LIN7A: variants seen among roughly 807,000 people sequenced by gnomAD.
The protein encoded by LIN7A is lin-7 cell polarity scaffold A, also known as protein lin-7 homolog A.
In LIN7A, 25 loss-of-function variants were observed where a neutral mutation model predicts 29.8. That is an observed-to-expected ratio of 0.84 (90% CI 0.61 to 1.17). The LOEUF (loss-of-function observed/expected upper bound fraction) is 1.17. LIN7A is among the 50% of genes most tolerant of loss of function. The pLI is 0.00. For synonymous variants in LIN7A, 118 were observed against 107.5 expected (o/e 1.10, Z -0.60); for missense variants, 239 against 287.0 (o/e 0.83, Z 1.21).
chr12:80,886,783 G>A (rs1875352340), intron 2 of LIN7A, among the ~76,000 whole-genome samples: 1 of 152,026 alleles, frequency 6.6e-6, no homozygotes, highest in African/African-American at 2.4e-5. Flanking sequence ...CTTTACCATA[G>A]GAAGAGTTTG....
intron 2 of LIN7A, 22 bp downstream of exon 2, chr12:80,889,229 T>C: frequency 1.6e-6 from 2 of 1,251,234 alleles, no homozygotes; most frequent in Non-Finnish European, 2.4e-6. Flanking sequence ...TGAATTTAGT[T>C]ATTAAAATTT....
At chr12:80,937,608 C>A (rs747727212) in intron 1 of LIN7A, 33 bp downstream of exon 1, 2 of 1,410,330 alleles carry the variant, frequency 1.4e-6, no homozygotes, top group South Asian at 1.4e-5. Context: ...GGAGAGGGGA[C>A]GCGGTGGCCT....
chr12:80,846,024 G>A (rs984162906), intron 3 of LIN7A, 85 bp from the exon 4 acceptor site: 2 of 1,152,662 alleles, frequency 1.7e-6, no homozygotes, highest in African/African-American at 3.2e-5. Flanking sequence ...GGGTAGCTCA[G>A]GCAACTTCTC....
At chr12:80,917,399 G>T (rs920555282) in intron 1 of LIN7A, among the ~76,000 whole-genome samples, 4 of 152,118 alleles carry the variant, frequency 2.6e-5, no homozygotes, top group African/African-American at 7.2e-5. Flanking sequence ...ACATAAACTG[G>T]CTGTTTTAAT....
chr12:80,866,528 T>C (rs1003496330), intron 2 of LIN7A, among the ~76,000 whole-genome samples: 2 of 152,220 alleles, frequency 1.3e-5, no homozygotes, highest in African/African-American at 4.8e-5. Flanking sequence ...TCAAAATTGC[T>C]CAAACCATAT....
intron 2 of LIN7A, among the ~76,000 whole-genome samples, chr12:80,861,858 G>A (rs930569442): frequency 3.3e-5 from 5 of 152,214 alleles, no homozygotes; most frequent in African/African-American, 1.2e-4. Context: ...AGCTCTGTGA[G>A]GCAGGTTTTT....
At chr12:80,823,360 T>G (rs970232539) in intron 4 of LIN7A, among the ~76,000 whole-genome samples, 1 of 152,188 alleles carries the variant, frequency 6.6e-6, no homozygotes, top group Non-Finnish European at 1.5e-5. Context: ...TTGCAGTTCC[T>G]GGCTACTCCA....
chr12:80,838,967 A>G (rs1872695517), intron 4 of LIN7A, among the ~76,000 whole-genome samples: 1 of 152,238 alleles, frequency 6.6e-6, no homozygotes, highest in Admixed American at 6.5e-5. Flanking sequence ...ACACATTCAA[A>G]CCAAACTCTT....
chr12:80,813,373 G>A (rs2121514119), intron 4 of LIN7A, among the ~76,000 whole-genome samples: 1 of 152,260 alleles, frequency 6.6e-6, no homozygotes, highest in South Asian at 2.1e-4. Flanking sequence ...TACAGACAAG[G>A]ATGTAGGAAA....
chr12:80,871,963 C>A (rs1874448019), intron 2 of LIN7A, among the ~76,000 whole-genome samples: 1 of 152,036 alleles, frequency 6.6e-6, no homozygotes. Context: ...ATAGCATTAA[C>A]TCTTTTGACA....
chr12:80,825,110 A>C (rs1333313396), intron 4 of LIN7A, among the ~76,000 whole-genome samples: 1 of 152,200 alleles, frequency 6.6e-6, no homozygotes, highest in African/African-American at 2.4e-5. Flanking sequence ...TAGAAACCCT[A>C]AATGTTATTT....
intron 1 of LIN7A, among the ~76,000 whole-genome samples, chr12:80,927,315 C>T (rs1332729807): frequency 7.9e-5 from 12 of 151,912 alleles, no homozygotes; most frequent in Non-Finnish European, 1.6e-4. Context: ...GCGCCCGCCA[C>T]CGCGCCCAGC....
intron 4 of LIN7A, chr12:80,841,847 T>A (rs2121542445): frequency 1.0e-6 from 1 of 974,400 alleles, no homozygotes; most frequent in East Asian, 1.1e-4. Context: ...GAAAAGGAGA[T>A]CATTAGAAAG....
At chr12:80,921,744 A>C (rs1877320247) in intron 1 of LIN7A, among the ~76,000 whole-genome samples, 1 of 152,156 alleles carries the variant, frequency 6.6e-6, no homozygotes, top group Non-Finnish European at 1.5e-5. Context: ...TCAGCCTATA[A>C]CATACACCCA....
intron 4 of LIN7A, among the ~76,000 whole-genome samples, chr12:80,820,540 G>A (rs781127064): frequency 6.6e-6 from 1 of 151,970 alleles, no homozygotes; most frequent in Non-Finnish European, 1.5e-5. Context: ...ACTACATCCT[G>A]GTGGTAATGC....
intron 4 of LIN7A, among the ~76,000 whole-genome samples, chr12:80,812,281 GATTA>G (rs5799491): frequency 0.49 from 73,519 of 151,174 alleles, 18,654 homozygotes; most frequent in African/African-American, 0.64. Flanking sequence ...AAATATAACA[GATTA>G]ATTAAAATTT....
At chr12:80,887,775 T>A (rs1875408181) in intron 2 of LIN7A, among the ~76,000 whole-genome samples, 1 of 152,130 alleles carries the variant, frequency 6.6e-6, no homozygotes, top group Non-Finnish European at 1.5e-5. Flanking sequence ...GAATTCATCA[T>A]AAGCCACATA....
intron 2 of LIN7A, among the ~76,000 whole-genome samples, chr12:80,850,857 T>C (rs931223568): frequency 3.3e-5 from 5 of 152,194 alleles, no homozygotes; most frequent in Non-Finnish European, 5.9e-5. Context: ...TTCTGGTATA[T>C]ATTTAATGAG....
chr12:80,855,588 T>A (rs1418449250), intron 2 of LIN7A, among the ~76,000 whole-genome samples: 2 of 152,176 alleles, frequency 1.3e-5, no homozygotes, highest in Non-Finnish European at 2.9e-5. Flanking sequence ...AGCCATAATG[T>A]ATTTATCATA....
Sources: allele counts gnomAD v4.1 joint callset (sites outside exome capture counted in the v4.1 genomes callset), GRCh38; gene constraint gnomAD v4.1.1; transcripts MANE v1.5; gene names NCBI Gene and HGNC (gene_info 2026-07-23, HGNC 2026-07-21).